PCSK2: variants seen among roughly 807,000 people sequenced by gnomAD.
PCSK2 encodes neuroendocrine convertase 2.
A neutral mutation model predicts 69.7 loss-of-function variants in PCSK2; 14 were observed. The ratio of observed to expected loss-of-function variants is 0.20; its 90% CI spans 0.13 to 0.31. The LOEUF is 0.31. PCSK2 is among the 10% of genes least tolerant of loss of function. The pLI, the probability that PCSK2 is intolerant of heterozygous loss-of-function variation, is 1.00. For missense variants in PCSK2, 544 were observed against 842.5 expected (o/e 0.65, Z 4.39); for synonymous variants, 307 against 320.7 (o/e 0.96, Z 0.46).
chr20:17,408,129 GC>G (rs981373811), intron 5 of PCSK2, among the ~76,000 whole-genome samples: 1 of 152,054 alleles, frequency 6.6e-6, no homozygotes, highest in African/African-American at 2.4e-5. Context: ...ATCAAGAAAT[GC>G]CAAAGCTGGA....
intron 2 of PCSK2, among the ~76,000 whole-genome samples, chr20:17,275,224 C>A (rs1378967435): frequency 2.0e-5 from 3 of 151,758 alleles, no homozygotes; most frequent in Non-Finnish European, 4.4e-5. Context: ...AAGAAGTAGG[C>A]TTTTCCAAAG....
chr20:17,458,615 T>A (rs2032963753), intron 10 of PCSK2, among the ~76,000 whole-genome samples: 1 of 152,316 alleles, frequency 6.6e-6, no homozygotes, highest in Non-Finnish European at 1.5e-5. Flanking sequence ...CTCATCTCTC[T>A]CTTATCTTGA....
At chr20:17,421,946 T>C (rs1412960885) in intron 6 of PCSK2, among the ~76,000 whole-genome samples, 4 of 151,834 alleles carry the variant, frequency 2.6e-5, no homozygotes, top group African/African-American at 7.3e-5. Context: ...ATTTGTACTA[T>C]ATGAAATCGG....
chr20:17,275,244 T>C (rs1988024236), intron 2 of PCSK2, among the ~76,000 whole-genome samples: 1 of 152,022 alleles, frequency 6.6e-6, no homozygotes, highest in South Asian at 2.1e-4. Flanking sequence ...GTATAAACTT[T>C]GGCATGAAAC....
intron 1 of PCSK2, among the ~76,000 whole-genome samples, chr20:17,235,370 G>A (rs937542944): frequency 1.1e-4 from 16 of 152,090 alleles, no homozygotes; most frequent in African/African-American, 3.6e-4. Flanking sequence ...GTTGCTCTTT[G>A]TTTACAACTT....
chr20:17,426,731 C>G (rs2032256133), intron 6 of PCSK2, among the ~76,000 whole-genome samples: 1 of 152,186 alleles, frequency 6.6e-6, no homozygotes, highest in Admixed American at 6.5e-5. Context: ...AGACAGTCTT[C>G]CAGAGAATTC....
At chr20:17,318,154 A>G (rs1186526489) in intron 2 of PCSK2, among the ~76,000 whole-genome samples, 2 of 152,238 alleles carry the variant, frequency 1.3e-5, no homozygotes, top group African/African-American at 4.8e-5. Flanking sequence ...GTGAGCTCCT[A>G]TTTGGAACAT....
chr20:17,235,938 A>G (rs545240506), intron 1 of PCSK2, among the ~76,000 whole-genome samples: 2 of 152,264 alleles, frequency 1.3e-5, no homozygotes, highest in East Asian at 3.9e-4. Context: ...AGGAACCCTG[A>G]TAATATGAAA....
At chr20:17,475,516 C>G (rs1261038641) in intron 11 of PCSK2, among the ~76,000 whole-genome samples, 3 of 152,094 alleles carry the variant, frequency 2.0e-5, no homozygotes, top group Non-Finnish European at 2.9e-5. Flanking sequence ...TTCACAGAAA[C>G]TTCATGTATG....
chr20:17,253,097 G>A (rs1019470011), intron 1 of PCSK2, among the ~76,000 whole-genome samples: 1 of 152,036 alleles, frequency 6.6e-6, no homozygotes, highest in Admixed American at 6.6e-5. Context: ...CATAATCTAC[G>A]ACTTAGAGAT....
intron 2 of PCSK2, among the ~76,000 whole-genome samples, chr20:17,307,178 A>G (rs1324345196): frequency 1.3e-5 from 2 of 152,186 alleles, no homozygotes; most frequent in East Asian, 3.9e-4. Flanking sequence ...CTTGCCAAGC[A>G]CTGAGAATAT....
intron 8 of PCSK2, among the ~76,000 whole-genome samples, chr20:17,442,432 T>A (rs1488003534): frequency 6.6e-6 from 1 of 152,102 alleles, no homozygotes; most frequent in Non-Finnish European, 1.5e-5. Context: ...CTTCCAGTCT[T>A]AGAATGGATC....
intron 2 of PCSK2, among the ~76,000 whole-genome samples, chr20:17,303,456 TAAATA>T (rs1989176999): frequency 1.8e-5 from 1 of 55,302 alleles, no homozygotes; most frequent in Admixed American, 2.4e-4. Flanking sequence ...TATATTATAT[TAAATA>T]TAATATATAT....
intron 7 of PCSK2, among the ~76,000 whole-genome samples, chr20:17,432,202 T>G (rs890792511): frequency 6.6e-6 from 1 of 152,220 alleles, no homozygotes; most frequent in Admixed American, 6.5e-5. Context: ...CATAAATTTT[T>G]CTCATTTTTC....
intron 2 of PCSK2, among the ~76,000 whole-genome samples, chr20:17,265,748 A>G (rs991872824): frequency 2.0e-5 from 3 of 152,182 alleles, no homozygotes; most frequent in Non-Finnish European, 4.4e-5. Flanking sequence ...TTTGTATTCC[A>G]TAATTTTCCC....
intron 11 of PCSK2, among the ~76,000 whole-genome samples, chr20:17,466,326 TTA>T (rs2033100531): frequency 6.6e-6 from 1 of 152,186 alleles, no homozygotes; most frequent in South Asian, 2.1e-4. Flanking sequence ...TCGCTTGGAG[TTA>T]TGTTTGTGAG....
At chr20:17,445,865 C>T (rs2032689338) in intron 8 of PCSK2, among the ~76,000 whole-genome samples, 1 of 152,242 alleles carries the variant, frequency 6.6e-6, no homozygotes, top group Non-Finnish European at 1.5e-5. Context: ...ACCGTCCTTC[C>T]TTTCATTTCT....
At chr20:17,392,778 G>A (rs2123274857) in intron 5 of PCSK2, among the ~76,000 whole-genome samples, 1 of 152,256 alleles carries the variant, frequency 6.6e-6, no homozygotes, top group South Asian at 2.1e-4. Context: ...TTGTTGCGTA[G>A]CATTCCCTTG....
chr20:17,465,236 G>C (rs749781555), intron 10 of PCSK2, 90 bp from the exon 11 acceptor site: 3 of 887,172 alleles, frequency 3.4e-6, no homozygotes, highest in Non-Finnish European at 5.5e-6. Context: ...TCTGTGTCCT[G>C]AGTAATATTT....
Sources: allele counts gnomAD v4.1 joint callset (sites outside exome capture counted in the v4.1 genomes callset), GRCh38; gene constraint gnomAD v4.1.1; transcripts MANE v1.5; gene names NCBI Gene and HGNC (gene_info 2026-07-23, HGNC 2026-07-21).